USP22: variants seen among roughly 807,000 people sequenced by gnomAD.
USP22 encodes the protein ubiquitin specific peptidase 22.
A neutral mutation model predicts 68.1 loss-of-function variants in USP22; 22 were observed. The ratio of observed to expected loss-of-function variants is 0.32; its 90% confidence interval spans 0.23 to 0.46. The LOEUF (loss-of-function observed/expected upper bound fraction) is 0.46. Among genes scored for constraint, USP22 ranks in the 20% least tolerant of loss-of-function variants. The pLI is 1.00. For missense variants in USP22, 433 were observed against 695.8 expected (o/e 0.62, Z 4.25); for synonymous variants, 279 against 274.2 (o/e 1.02, Z -0.17).
At chr17:21,022,640 G>C (rs933778853) in intron 2 of USP22, among the ~76,000 whole-genome samples, 1 of 151,894 alleles carries the variant, frequency 6.6e-6, no homozygotes, top group East Asian at 1.9e-4. Context: ...TCTACTAAAA[G>C]TACAAAAAAT....
rs1368665608 is a variant in USP22, at chr17:21,002,279, AAGG to A, written c.*749_*751del. ...AAAGCAAGACTCGCTCTTGAGACTA[AAGG>A]AGAAGTTACCTAAATTTCTGTATAA... On this transcript the variant is annotated 3_prime_UTR_variant, in exon 13 of 13. Transcript: ENST00000261497. 1 of 152,242 alleles carries A rather than the reference AAGG, an allele frequency of 6.6e-6. No homozygotes were observed. Among genetic ancestry groups the A allele is most frequent in the African/African-American group, 2.4e-5 (1 of 41,464 alleles). 9.4% of individuals were successfully genotyped at this position (152,242 alleles called of 1,614,324 possible).
chr17:21,014,476 A>G, intron 6 of USP22, among the ~76,000 whole-genome samples: 1 of 152,202 alleles, frequency 6.6e-6, no homozygotes, highest in East Asian at 1.9e-4. Flanking sequence ...CTTTCCTTTG[A>G]TTTCTAGGTA....
chr17:21,014,480 C>G (rs888112695), intron 6 of USP22, among the ~76,000 whole-genome samples: 1 of 152,082 alleles, frequency 6.6e-6, no homozygotes, highest in African/African-American at 2.4e-5. Context: ...CCTTTGATTT[C>G]TAGGTAAGAA....
At chr17:21,004,853 T>C in intron 11 of USP22, 75 bp downstream of exon 11, 3 of 1,562,776 alleles carry the variant, frequency 1.9e-6, no homozygotes, top group Non-Finnish European at 2.6e-6. Flanking sequence ...CTGGGCGCCC[T>C]ACAAGGCAGA....
Position 21,017,927 on chromosome 17 carries a change from G to T in USP22, c.690+15C>A. The stretch of plus-strand genomic sequence containing the variant: ...GTAACAGAAATGTTCCCCTGCAGAA[G>T]TCAATGGCGCTCACCTCCTGAAACA... On this transcript the variant is annotated intron_variant, in intron 5 of 12. Coordinates refer to ENST00000261497, the MANE Select transcript of USP22 (RefSeq NM_015276.2). 6.2e-7 allele frequency: 1 copy of T among 1,612,976 alleles called. No individual in the cohort carries two copies. Among genetic ancestry groups the T allele is most frequent in the South Asian group, 1.1e-5 (1 of 90,800 alleles).
chr17:21,030,059 G>A (rs768974103), intron 1 of USP22, among the ~76,000 whole-genome samples: 11 of 151,974 alleles, frequency 7.2e-5, no homozygotes, highest in East Asian at 1.9e-4. Flanking sequence ...ATTGTCCCTC[G>A]GTATCTAGGA....
chr17:21,006,750 G>A (rs1255013435), intron 10 of USP22, 146 bp downstream of exon 10: 6 of 522,834 alleles, frequency 1.1e-5, no homozygotes, highest in Middle Eastern at 5.4e-4. Flanking sequence ...TGATCTGCCC[G>A]CTTCGACCTC....
At chr17:21,003,739 TA>T (rs1274863013) in intron 12 of USP22, among the ~76,000 whole-genome samples, 1 of 151,874 alleles carries the variant, frequency 6.6e-6, no homozygotes, top group East Asian at 1.9e-4. Flanking sequence ...CCATCTCTAC[TA>T]AAATACAAAA....
At chr17:21,003,946 C>T (rs1193727599) in intron 12 of USP22, among the ~76,000 whole-genome samples, 1 of 151,612 alleles carries the variant, frequency 6.6e-6, no homozygotes, top group Non-Finnish European at 1.5e-5. Flanking sequence ...TCAGTTCACG[C>T]AGTTAAAAAA....
At chr17:21,037,522 T>G (rs1031098239) in intron 1 of USP22, among the ~76,000 whole-genome samples, 2 of 152,122 alleles carry the variant, frequency 1.3e-5, no homozygotes, top group African/African-American at 4.8e-5. Flanking sequence ...TAACCACAGC[T>G]GAATCATGAG....
At chr17:21,042,297 G>A (rs985908972) in intron 1 of USP22, 1 of 163,808 alleles carries the variant, frequency 6.1e-6, no homozygotes, top group Non-Finnish European at 1.3e-5. Context: ...ACCACCCCCG[G>A]CCCGGAAGCA....
rs542162099 is a variant in USP22 at position 21,024,909 on chromosome 17, C to T, written c.304+3633G>A. ...ACTTCAGCTTGGGAGGTTGAGGCTG[C>T]AGTGAGCTGTGATTGTGCCACTGCA... On this transcript the variant is annotated intron_variant, in intron 2 of 12. Transcript: ENST00000261497. Among the ~76,000 whole-genome samples the T allele has an allele frequency of 6.6e-5, 10 of 152,242 alleles. No individual in the cohort carries two copies. The East Asian group carries it at 7.7e-4, about 12-fold the overall frequency.
intron 10 of USP22, chr17:21,006,486 T>C (rs1913781917): frequency 6.6e-6 from 1 of 151,552 alleles, no homozygotes; most frequent in Non-Finnish European, 1.5e-5. Flanking sequence ...GAAGGTGGGG[T>C]TTATATTAGT....
intron 2 of USP22, among the ~76,000 whole-genome samples, chr17:21,023,821 C>T (rs375761761): frequency 1.3e-5 from 2 of 152,140 alleles, no homozygotes; most frequent in Non-Finnish European, 2.9e-5. Context: ...ACCTCTGAGC[C>T]TCAGTTTCCC....
At position 21,002,872 on chromosome 17, in the gene USP22, G is replaced by A. The variant is rs796787006; in HGVS notation, c.*159C>T. 24 of 855,022 alleles carry A rather than the reference G, an allele frequency of 2.8e-5. No homozygotes were observed. The highest frequency in any genetic ancestry group is 5.1e-5 in the East Asian group (2 of 39,508). The allele number at this position is 855,022 out of a possible 1,614,324, so 53.0% of individuals were successfully genotyped here. On this transcript the variant is annotated 3_prime_UTR_variant, in exon 13 of 13. Transcript: ENST00000261497. ...CCGTCCGTGTGGTCCATCCCGACCCGATGGGTCCCAGGTGCAGAGGGGCCA... is the reference window on the plus strand; with the variant it reads ...CCGTCCGTGTGGTCCATCCCGACCCAATGGGTCCCAGGTGCAGAGGGGCCA...
chr17:21,042,598 T>A, intron 1 of USP22, 67 bp downstream of exon 1: 1 of 1,256,008 alleles, frequency 8.0e-7, no homozygotes, highest in Non-Finnish European at 1.0e-6. Flanking sequence ...AAAGGGCCCC[T>A]CCGCCGGCCG....
chr17:21,017,248 G>A (rs1006827489), intron 5 of USP22, among the ~76,000 whole-genome samples: 2 of 152,368 alleles, frequency 1.3e-5, no homozygotes, highest in East Asian at 1.9e-4. Context: ...CTCTCGCAGA[G>A]GTTACGAATG....
chr17:21,024,611 C>CTT (rs1972197878), intron 2 of USP22, among the ~76,000 whole-genome samples: 1 of 152,182 alleles, frequency 6.6e-6, no homozygotes, highest in Non-Finnish European at 1.5e-5. Flanking sequence ...GGCAAGTCTT[C>CTT]ATGACCTCGG....
chr17:21,028,414 G>C, intron 2 of USP22, 128 bp downstream of exon 2: 1 of 1,411,244 alleles, frequency 7.1e-7, no homozygotes, highest in South Asian at 1.3e-5. Context: ...TGTCACCAGT[G>C]AGGGGCACGC....
Sources: gnomAD v4.1 joint callset for allele counts (sites outside exome capture counted in the v4.1 genomes callset) on GRCh38, gnomAD v4.1.1 for gene constraint, MANE v1.5 for transcripts, NCBI Gene and HGNC (gene_info 2026-07-23, HGNC 2026-07-21) for gene names.